TREM2: variants seen among roughly 807,000 people sequenced by gnomAD.
The protein encoded by TREM2 is triggering receptor expressed on myeloid cells 2.
Under a neutral mutation model 22.9 loss-of-function variants are expected in TREM2, and 20 were observed. That is an observed-to-expected ratio of 0.87 (90% CI 0.61 to 1.27). TREM2 has a LOEUF of 1.27. Ranked by LOEUF, TREM2 falls within the 50% of genes most tolerant of loss-of-function variation. The pLI is 0.00. For missense variants in TREM2, 267 were observed against 289.0 expected, an observed-to-expected ratio of 0.92 and a Z score of 0.55; for synonymous variants, 111 against 120.9, an observed-to-expected ratio of 0.92 and a Z score of 0.54.
chr6:41,162,331 C>G (rs1267042032), intron 1 of TREM2, among the ~76,000 whole-genome samples: 1 of 152,186 alleles, frequency 6.6e-6, no homozygotes, highest in African/African-American at 2.4e-5. Context: ...GTGGCCCTCT[C>G]CCATCTGACC....
Position 41,161,255 on chromosome 6 carries a change from C to A in TREM2, c.391+8G>T, listed in dbSNP as rs1268513553. ...GGCAGGCCAGAGAGGCAGCCACTGC[C>A]CACTCACCTGCCAGCACCTCCACCA... On this transcript the variant is annotated splice_region_variant and intron_variant, in intron 2 of 4. Coordinates refer to ENST00000373113, the MANE Select transcript of TREM2 (RefSeq NM_018965.4). 6.2e-7 allele frequency: 1 copy of A among 1,612,800 alleles called. No homozygotes were observed.
Position 41,158,717 on chromosome 6 carries a change from G to C in TREM2, c.*47C>G. The C allele has an allele frequency of 6.2e-7, 1 of 1,614,200 alleles. No individual in the cohort carries two copies. The highest frequency in any genetic ancestry group is 8.5e-7 in the Non-Finnish European group (1 of 1,180,044). On this transcript the variant is annotated 3_prime_UTR_variant, in exon 5 of 5. Coordinates refer to ENST00000373113, the MANE Select transcript of TREM2 (RefSeq NM_018965.4). ...AAGTGGCAAGTATGCAGGCTGGGCT[G>C]GTCCCTGGTGGGACTTCTCCTGGGC...
intron 4 of TREM2, 22 bp from the exon 5 acceptor site, chr6:41,158,802 T>C: frequency 1.9e-6 from 3 of 1,614,242 alleles, no homozygotes; most frequent in Non-Finnish European, 1.7e-6. Flanking sequence ...CAAGGACTCA[T>C]GTGGCCCCTC....
intron 2 of TREM2, 126 bp from the exon 3 acceptor site, chr6:41,160,008 T>G (rs994465122): frequency 8.3e-6 from 6 of 723,748 alleles, no homozygotes; most frequent in Admixed American, 2.0e-5. Context: ...GATCAGGTCA[T>G]TACACTCCAT....
At chr6:41,162,114 T>C (rs1450785190) in intron 1 of TREM2, among the ~76,000 whole-genome samples, 1 of 152,206 alleles carries the variant, frequency 6.6e-6, no homozygotes, top group Non-Finnish European at 1.5e-5. Context: ...GACATGAGGC[T>C]GCTATTTTGG....
Position 41,158,555 on chromosome 6 carries a change from G to A in TREM2, c.*209C>T, listed in dbSNP as rs774265482. The A allele has an allele frequency of 3.3e-6, 5 of 1,510,456 alleles. No homozygotes were observed. Among genetic ancestry groups the A allele is most frequent in the Non-Finnish European group, 3.6e-6 (4 of 1,117,080 alleles). The allele number at this position is 1,510,456 out of a possible 1,614,324, so 93.6% of individuals were successfully genotyped here. A position where few individuals can be genotyped will look rare whatever the true frequency, so the allele number is the denominator to read the frequency against. On this transcript the variant is annotated 3_prime_UTR_variant, in exon 5 of 5. Coordinates refer to ENST00000373113, the MANE Select transcript of TREM2 (RefSeq NM_018965.4). The stretch of plus-strand genomic sequence containing the variant: ...GGATTTATTTGTAAGTGTTTAAAAT[G>A]TCCAATATTCAGAAGTTGTCAGGTG...
In TREM2 at chr6:41,159,857, T is replaced by TC. The variant is rs761969647; in HGVS notation, c.416dup (p.Asp140ArgfsTer9). 1 of 1,614,014 alleles carries TC rather than the reference T, an allele frequency of 6.2e-7. No homozygotes were observed. The highest frequency in any genetic ancestry group is 8.5e-7 in the Non-Finnish European group (1 of 1,179,976). ...CAGACTCCCCGGGGAACCAGAGATC[T>TC]CCAGCATCCCGGTGATCCAGGGGGT... is the stretch of plus-strand genomic sequence containing the variant. On this transcript the variant is annotated frameshift_variant, in exon 3 of 5. Transcript: ENST00000373113. LOFTEE classifies it high-confidence loss of function.
At chr6:41,159,934 G>T (rs751411176) in intron 2 of TREM2, 52 bp from the exon 3 acceptor site, 1 of 1,529,776 alleles carries the variant, frequency 6.5e-7, no homozygotes, top group Non-Finnish European at 9.0e-7. Flanking sequence ...CGAGGCAGGG[G>T]GAGAACCTTG....
chr6:41,160,043 AG>A (rs1765522692), intron 2 of TREM2, among the ~76,000 whole-genome samples, 161 bp from the exon 3 acceptor site: 1 of 152,122 alleles, frequency 6.6e-6, no homozygotes, highest in South Asian at 2.1e-4. Flanking sequence ...CCACTTATAA[AG>A]TGGGCCGTTA....
At chr6:41,160,904 A>G (rs1027434944) in intron 2 of TREM2, among the ~76,000 whole-genome samples, 1 of 152,192 alleles carries the variant, frequency 6.6e-6, no homozygotes, top group African/African-American at 2.4e-5. Flanking sequence ...AGGACCTCCT[A>G]TCATGTTCAC....
intron 3 of TREM2, 142 bp downstream of exon 3, chr6:41,159,650 G>T (rs1183972952): frequency 6.9e-6 from 5 of 728,640 alleles, no homozygotes; most frequent in African/African-American, 1.7e-5. Flanking sequence ...TGGTGGAGGG[G>T]TGTTTACATA....
rs754308920 is a variant in TREM2, at chr6:41,161,649, C to G, written c.41-36G>C. ...GACATTCATTCACTCCTTTGTTTAC[C>G]AAATACGCTTTGAACACTTGCTCTG... is the stretch of plus-strand genomic sequence containing the variant. On this transcript the variant is annotated intron_variant, in intron 1 of 4. Coordinates refer to ENST00000373113, the MANE Select transcript of TREM2 (RefSeq NM_018965.4). 10 of 1,555,212 alleles carry G rather than the reference C, an allele frequency of 6.4e-6. No individual in the cohort carries two copies. The Admixed American group carries it at 1.6e-4, about 25-fold the overall frequency.
rs1257994892 is a variant in TREM2 at position 41,159,880 on chromosome 6, G to T, written c.394C>A (p.Pro132Thr). The change falls in exon 3 of 5, where the codon CCC (proline) becomes ACC (threonine). Residue 132 changes from proline (P) to threonine (T), a missense_variant and splice_region_variant. Coordinates refer to ENST00000373113, the MANE Select transcript of TREM2 (RefSeq NM_018965.4). ...TCTCCAGCATCCCGGTGATCCAGGG[G>T]GTCTATGGGAGGCAGAGCCATGAGC... ...RKVLVEVLAD[P>T]LDHRDAGDLW... is the part of the protein sequence containing the mutation. 6.2e-7 allele frequency: 1 copy of T among 1,613,672 alleles called. No homozygotes were observed. Among genetic ancestry groups the T allele is most frequent in the Non-Finnish European group, 8.5e-7 (1 of 1,179,890 alleles).
rs114623246 is a variant in TREM2, at chr6:41,160,303, G to A, written c.392-421C>T. On this transcript the variant is annotated intron_variant, in intron 2 of 4. Transcript: ENST00000373113. ...GTGGCTAAGGGAGTTCACTGCCACCGGCCATCCTTAGGAAAGTGGTGGAGG... is the reference window on the plus strand; with the variant it reads ...GTGGCTAAGGGAGTTCACTGCCACCAGCCATCCTTAGGAAAGTGGTGGAGG... Among the ~76,000 whole-genome samples the A allele has an allele frequency of 3.5e-3, 530 of 152,132 alleles. 5 individuals are homozygous for A. The highest frequency in any genetic ancestry group is 0.012 in the African/African-American group (504 of 41,478).
At chr6:41,161,948 C>G (rs192843429) in intron 1 of TREM2, among the ~76,000 whole-genome samples, 1 of 151,972 alleles carries the variant, frequency 6.6e-6, no homozygotes, top group East Asian at 2.0e-4. Context: ...CCTCTCCTCT[C>G]GGCCTGGGGC....
At chr6:41,160,739 A>T (rs1011510253) in intron 2 of TREM2, among the ~76,000 whole-genome samples, 1 of 152,162 alleles carries the variant, frequency 6.6e-6, no homozygotes, top group African/African-American at 2.4e-5. Context: ...CCATTTACAG[A>T]TGAGAGAATG....
Sources: allele counts gnomAD v4.1 joint callset (sites outside exome capture counted in the v4.1 genomes callset), GRCh38; gene constraint gnomAD v4.1.1; transcripts MANE v1.5; gene names NCBI Gene and HGNC (gene_info 2026-07-23, HGNC 2026-07-21).